TRRAP: variants seen among roughly 807,000 people sequenced by gnomAD.
TRRAP encodes the protein transformation/transcription domain-associated protein.
Under a neutral mutation model 438.8 loss-of-function variants are expected in TRRAP, and 41 were observed. The observed-to-expected ratio is 0.09, with a 90% confidence interval of 0.07 to 0.12. TRRAP has a LOEUF of 0.12. Ranked by LOEUF, TRRAP falls within the 10% of genes least tolerant of loss-of-function variation. The probability of loss-of-function intolerance (pLI) is 1.00; values close to 1 mark genes in which losing one functional copy is unlikely to be tolerated. For missense variants in TRRAP, 3,122 were observed against 5,055.1 expected, an observed-to-expected ratio of 0.62 and a Z score of 11.60; for synonymous variants, 1,994 against 1,962.9, an observed-to-expected ratio of 1.02 and a Z score of -0.42.
chr7:98,957,967 A>C lies in TRRAP; in HGVS notation c.6232-14A>C. ...TGCGATTCTCTTCCTGCCTGAAAGG[A>C]GGTCCTTTTCCAGGTCTTTGGGAGG... is the stretch of plus-strand genomic sequence containing the variant. On this transcript the variant is annotated splice_polypyrimidine_tract_variant and intron_variant, in intron 43 of 72. Coordinates refer to ENST00000456197, the MANE Select transcript of TRRAP (RefSeq NM_001375524.1). 2.5e-6 allele frequency: 4 copies of C among 1,610,678 alleles called. No homozygotes were observed. The highest frequency in any genetic ancestry group is 3.4e-6 in the Non-Finnish European group (4 of 1,177,490).
chr7:98,970,479 G>A (rs1792365476), intron 52 of TRRAP, among the ~76,000 whole-genome samples, 188 bp downstream of exon 52: 1 of 152,236 alleles, frequency 6.6e-6, no homozygotes, highest in Non-Finnish European at 1.5e-5. Context: ...CCCACGGGCA[G>A]AATCCTTGGT....
chr7:98,950,026 G>A (rs1791260571), intron 37 of TRRAP, 38 bp from the exon 38 acceptor site: 2 of 1,611,054 alleles, frequency 1.2e-6, no homozygotes, highest in Admixed American at 1.7e-5. Context: ...AATGAAATTT[G>A]CTCTAAGTTA....
intron 7 of TRRAP, 56 bp downstream of exon 7, chr7:98,895,876 A>T: frequency 7.1e-7 from 1 of 1,414,226 alleles, no homozygotes; most frequent in East Asian, 2.4e-5. Context: ...CCTTATTCCA[A>T]AAAGACTTTA....
In TRRAP at chr7:98,983,293, A is replaced by G; in HGVS notation, c.8856A>G (p.Glu2952=). The change falls in exon 60 of 73, where the codon GAA becomes GAG. Residue 2952 remains glutamate, a synonymous_variant. Coordinates refer to ENST00000456197, the MANE Select transcript of TRRAP (RefSeq NM_001375524.1). ...CCCAGCAAATCATCGAACTCCAGGA[A>G]GCTGCACAAATCAACGCAGGCTTAC... ...QAAQQIIELQ[E]AAQINAGLQP... 6.2e-7 allele frequency: 1 copy of G among 1,613,972 alleles called. No individual in the cohort carries two copies.
At chr7:98,944,239 C>G (rs1790937899) in intron 31 of TRRAP, among the ~76,000 whole-genome samples, 1 of 151,734 alleles carries the variant, frequency 6.6e-6, no homozygotes, top group Non-Finnish European at 1.5e-5. Context: ...TTATAGTAAG[C>G]TATTAATTTT....
chr7:98,968,730 TGTG>T (rs1216212373), intron 51 of TRRAP, among the ~76,000 whole-genome samples: 2 of 152,164 alleles, frequency 1.3e-5, no homozygotes, highest in East Asian at 1.9e-4. Context: ...GGGAGTGAGT[TGTG>T]GTGCTGGGTC....
In TRRAP at chr7:99,008,494, A is replaced by T; in HGVS notation, c.10871A>T (p.Asn3624Ile). 1 of 1,614,104 alleles carries T rather than the reference A, an allele frequency of 6.2e-7. No individual in the cohort carries two copies. Residue 3624 changes from asparagine to isoleucine, a missense_variant, in exon 70 of 73, where the codon AAC (asparagine) becomes ATC (isoleucine). By Grantham distance (149) the Asn-to-Ile change is moderately radical. This residue lies in a region of TRRAP where 38 missense variants were observed against 32.1 expected (regional missense o/e 1.18). Transcript: ENST00000456197. ...GCCAAGAAGGGCATCGAGCATGACA[A>T]CCCCATCTCCCGTTACTATGACCGG... is the stretch of plus-strand genomic sequence containing the variant. ...RCAKKGIEHD[N>I]PISRYYDRLA...
chr7:98,978,468 C>G, intron 57 of TRRAP, 145 bp downstream of exon 57: 1 of 789,766 alleles, frequency 1.3e-6, no homozygotes. Flanking sequence ...AACCCAAAAC[C>G]AGCATTTAAA....
At chr7:98,892,621 T>G in intron 5 of TRRAP, 93 bp downstream of exon 5, 1 of 1,090,968 alleles carries the variant, frequency 9.2e-7, no homozygotes, top group Non-Finnish European at 1.3e-6. Context: ...ACAACTGTTT[T>G]ATCTTTCTCC....
chr7:98,999,579 G>C, intron 67 of TRRAP: 2 of 750,060 alleles, frequency 2.7e-6, no homozygotes, highest in Non-Finnish European at 4.8e-6. Context: ...CACTGCCACT[G>C]TGTTCTTCCC....
At chr7:98,897,889 T>C (rs1554406039) in intron 8 of TRRAP, 23 bp downstream of exon 8, 2 of 1,613,170 alleles carry the variant, frequency 1.2e-6, no homozygotes, top group South Asian at 2.2e-5. Flanking sequence ...CTGAGTTATT[T>C]CTACCCGTGG....
chr7:98,917,094 T>G (rs1163195047), intron 19 of TRRAP, among the ~76,000 whole-genome samples: 2 of 152,216 alleles, frequency 1.3e-5, no homozygotes, highest in African/African-American at 4.8e-5. Context: ...AAAAACTGTT[T>G]AGAGAATAGA....
chr7:99,010,226 A>G (rs758271899), intron 70 of TRRAP, among the ~76,000 whole-genome samples: 20 of 152,298 alleles, frequency 1.3e-4, no homozygotes, highest in Non-Finnish European at 2.2e-4. Flanking sequence ...CTAAATAAAA[A>G]AGCTCCTCCA....
In TRRAP at chr7:99,005,967, C is replaced by G. The variant is rs1456390194; in HGVS notation, c.10753+619C>G. ...GCAGCAGCATGCATCAGGTTTCCAG[C>G]GCGCCTCTAGCTGCTTCACACGCTG... is the stretch of plus-strand genomic sequence containing the variant. On this transcript the variant is annotated intron_variant, in intron 69 of 72. Coordinates refer to ENST00000456197, the MANE Select transcript of TRRAP (RefSeq NM_001375524.1). The surrounding 1 kb of genome is among the most constrained non-coding windows in gnomAD (Gnocchi z 5.1). 6.6e-6 allele frequency among the ~76,000 whole-genome samples: 1 copy of G among 152,168 alleles called. No individual in the cohort carries two copies. The highest frequency in any genetic ancestry group is 2.4e-5 in the African/African-American group (1 of 41,438).
chr7:98,951,905 C>T (rs1791353416), intron 39 of TRRAP, among the ~76,000 whole-genome samples: 1 of 152,094 alleles, frequency 6.6e-6, no homozygotes, highest in Non-Finnish European at 1.5e-5. Flanking sequence ...GACCCCTTCC[C>T]CTTTGTTACC....
At position 98,976,366 on chromosome 7, in the gene TRRAP, G is replaced by A; in HGVS notation, c.7959+98G>A. On this transcript the variant is annotated intron_variant, in intron 54 of 72. Transcript: ENST00000456197. The surrounding 1 kb of genome is among the most constrained non-coding windows in gnomAD (Gnocchi z 4.6). Reference sequence around the variant, plus strand: ...CAGTCTCGAACAAGTTTCAGAAAATGAGGGAACCGCTGGCTGTCACTCGAG... The same window carrying A: ...CAGTCTCGAACAAGTTTCAGAAAATAAGGGAACCGCTGGCTGTCACTCGAG... 6.3e-6 allele frequency: 10 copies of A among 1,576,280 alleles called. No individual in the cohort carries two copies. The highest frequency in any genetic ancestry group is 7.7e-6 in the Non-Finnish European group (9 of 1,163,234).
rs1014258526 is a variant in TRRAP, at chr7:98,961,398, A to G, written c.6627A>G (p.Thr2209=). The G allele has an allele frequency of 1.2e-6, 2 of 1,614,092 alleles. No individual in the cohort carries two copies. The highest frequency in any genetic ancestry group is 1.7e-6 in the Non-Finnish European group (2 of 1,180,042). ...PLQRGIAACM[T]CGNTKVLRAV... is the part of the protein sequence containing the mutation. ...AGCGTGGAATTGCCGCCTGCATGAC[A>G]TGTGGAAACACCAAGGTGTTGCGAG... The change falls in exon 46 of 73, where the codon ACA becomes ACG. Residue 2209 remains threonine (T), a synonymous_variant. Coordinates refer to ENST00000456197, the MANE Select transcript of TRRAP (RefSeq NM_001375524.1).
chr7:98,883,202 T>C, intron 3 of TRRAP, among the ~76,000 whole-genome samples: 1 of 152,248 alleles, frequency 6.6e-6, no homozygotes, highest in Non-Finnish European at 1.5e-5. Context: ...GATTGGATAA[T>C]TTCTGATCTT....
At position 98,948,250 on chromosome 7, in the gene TRRAP, C is replaced by A. The variant is rs188965370; in HGVS notation, c.4578C>A (p.Asn1526Lys). The A allele has an allele frequency of 6.2e-7, 1 of 1,614,190 alleles. No individual in the cohort carries two copies. The highest frequency in any genetic ancestry group is 2.2e-5 in the East Asian group (1 of 44,878). ...EEMKICSAII[N>K]LFHLIPAAPQ... Reference sequence around the variant, plus strand: ...TGAAGATTTGCTCAGCAATTATAAACCTTTTTCATCTGATCCCGGCTGCTC... The same window carrying A: ...TGAAGATTTGCTCAGCAATTATAAAACTTTTTCATCTGATCCCGGCTGCTC... The change falls in exon 34 of 73, where the codon AAC (asparagine) becomes AAA (lysine). Residue 1526 changes from asparagine to lysine, a missense_variant. Asn to Lys is a moderately conservative substitution (Grantham distance 94). Around this residue, in one of 24 missense-constraint regions of TRRAP, gnomAD observed 108 missense variants for 256.9 expected, o/e 0.42. Transcript: ENST00000456197. This position sits in a 1 kb window ranked among gnomAD's most constrained non-coding sequence, Gnocchi z 4.9.
Sources: gnomAD v4.1 joint callset for allele counts (sites outside exome capture counted in the v4.1 genomes callset) on GRCh38, gnomAD v4.1.1 for gene constraint, gnomAD v4.1.1 regional missense constraint, Gnocchi (gnomAD v3.1) non-coding constraint, MANE v1.5 for transcripts, NCBI Gene and HGNC (gene_info 2026-07-23, HGNC 2026-07-21) for gene names.